LDHAL6A: variants seen among roughly 807,000 people sequenced by gnomAD.
LDHAL6A encodes the protein L-lactate dehydrogenase A-like 6A.
A neutral mutation model predicts 28.2 loss-of-function variants in LDHAL6A; 19 were observed. That is an observed-to-expected ratio of 0.67 (90% CI 0.47 to 0.99). The LOEUF (loss-of-function observed/expected upper bound fraction) is 0.99. Ranked by LOEUF, LDHAL6A falls within the 50% of genes least tolerant of loss-of-function variation. LDHAL6A has a pLI of 0.00. For missense variants in LDHAL6A, 372 were observed against 398.6 expected (o/e 0.93, Z 0.57); for synonymous variants, 144 against 134.4 (o/e 1.07, Z -0.49).
chr11:18,473,267 T>C (rs1422525497), intron 3 of LDHAL6A, among the ~76,000 whole-genome samples: 1 of 152,212 alleles, frequency 6.6e-6, no homozygotes, highest in Non-Finnish European at 1.5e-5. Flanking sequence ...ATTGCTCCTA[T>C]AGTAGCTCCT....
At position 18,475,613 on chromosome 11, in the gene LDHAL6A, TC is replaced by T. The variant is rs1244410019; in HGVS notation, c.568del (p.Gly191GlufsTer14). 6.2e-7 allele frequency: 1 copy of T among 1,613,716 alleles called. No homozygotes were observed. Among genetic ancestry groups the T allele is most frequent in the African/African-American group, 1.3e-5 (1 of 74,926 alleles). ...CACTCTGAAAGCTGTCATGGGCTGA[TC>T]CTTGGAGAGCATGGCGACTCAAGTG... is the stretch of plus-strand genomic sequence containing the variant. The part of the protein sequence containing the change: ...GIHSESCHGL[I>X]LGEHGDSSVP... On this transcript the variant is annotated frameshift_variant, in exon 4 of 7. Coordinates refer to ENST00000280706, the MANE Select transcript of LDHAL6A (RefSeq NM_144972.5). LOFTEE classifies it high-confidence loss of function.
intron 4 of LDHAL6A, 137 bp downstream of exon 4, chr11:18,475,776 A>G (rs11024670): frequency 0.19 from 112,351 of 576,198 alleles, 13,384 homozygotes; most frequent in East Asian, 0.47. Flanking sequence ...TTTAATTTTT[A>G]CCACACTTAT....
At chr11:18,461,860 GA>G (rs34785727) in intron 1 of LDHAL6A, among the ~76,000 whole-genome samples, 7,614 of 131,260 alleles carry the variant, frequency 0.058, 350 homozygotes, top group East Asian at 0.31. Flanking sequence ...TCAAAAAAAA[GA>G]AAAAAAAAAA....
At chr11:18,469,155 G>C in intron 3 of LDHAL6A, 1 of 608,702 alleles carries the variant, frequency 1.6e-6, no homozygotes, top group Non-Finnish European at 2.9e-6. Flanking sequence ...ATATGACTCA[G>C]AGTTGTGAAG....
chr11:18,466,527 TC>T (rs1849078407), intron 3 of LDHAL6A, among the ~76,000 whole-genome samples: 1 of 151,660 alleles, frequency 6.6e-6, no homozygotes, highest in Non-Finnish European at 1.5e-5. Flanking sequence ...GGTGGAGCAT[TC>T]CTGTAGTCCC....
At chr11:18,467,238 A>C (rs1161157357) in intron 3 of LDHAL6A, among the ~76,000 whole-genome samples, 1 of 152,206 alleles carries the variant, frequency 6.6e-6, no homozygotes, top group African/African-American at 2.4e-5. Context: ...TCGATGCTGA[A>C]GAACTATTTA....
At chr11:18,461,980 A>G (rs559904663) in intron 1 of LDHAL6A, among the ~76,000 whole-genome samples, 33 of 148,680 alleles carry the variant, frequency 2.2e-4, no homozygotes, top group African/African-American at 6.9e-4. Flanking sequence ...GTGAAACCCC[A>G]TGTCTACAAA....
chr11:18,476,320 G>A (rs1474782865), intron 4 of LDHAL6A, 64 bp from the exon 5 acceptor site: 2 of 1,549,462 alleles, frequency 1.3e-6, no homozygotes, highest in Non-Finnish European at 1.7e-6. Context: ...GTTTTGCTGA[G>A]GTCAAAAACC....
intron 5 of LDHAL6A, chr11:18,476,721 A>AC: frequency 7.6e-6 from 4 of 524,566 alleles, no homozygotes; most frequent in Non-Finnish European, 9.8e-6. Flanking sequence ...AGTATTGAGC[A>AC]CATGGTAGGG....
intron 1 of LDHAL6A, among the ~76,000 whole-genome samples, chr11:18,462,001 A>C (rs1407316067): frequency 6.6e-6 from 1 of 151,612 alleles, no homozygotes; most frequent in Non-Finnish European, 1.5e-5. Flanking sequence ...AAATACAAAA[A>C]TTAGCCAGAT....
chr11:18,476,430 T>A lies in LDHAL6A; in HGVS notation c.639T>A (p.Asp213Glu), dbSNP rs200442279. 11 of 1,613,996 alleles carry A rather than the reference T, an allele frequency of 6.8e-6. No homozygotes were observed. Among genetic ancestry groups the A allele is most frequent in the African/African-American group, 1.3e-5 (1 of 74,898 alleles). ...GVNIAGVPLK[D>E]LNPDIGTDKD... is the part of the protein sequence containing the mutation. Reference sequence around the variant, plus strand: ...ACATTGCTGGCGTCCCTCTGAAGGATCTGAACCCAGATATAGGAACTGATA... The same window carrying A: ...ACATTGCTGGCGTCCCTCTGAAGGAACTGAACCCAGATATAGGAACTGATA... The change falls in exon 5 of 7, where the codon GAT becomes GAA. Residue 213 changes from aspartate (D) to glutamate (E), a missense_variant. By Grantham distance (45) the Asp-to-Glu change is conservative (BLOSUM62 2). Coordinates refer to ENST00000280706, the MANE Select transcript of LDHAL6A (RefSeq NM_144972.5).
intron 2 of LDHAL6A, among the ~76,000 whole-genome samples, chr11:18,464,977 G>GTTTGTTTTTTTTTTTTT (rs1849013732): frequency 1.6e-5 from 2 of 125,482 alleles, no homozygotes; most frequent in African/African-American, 6.7e-5. Context: ...TGTTTTTTTT[G>GTTTGTTTTTTTTTTTTT]TTTTTTTTTG....
At chr11:18,474,472 C>T (rs929275664) in intron 3 of LDHAL6A, among the ~76,000 whole-genome samples, 1 of 151,900 alleles carries the variant, frequency 6.6e-6, no homozygotes, top group African/African-American at 2.4e-5. Flanking sequence ...CTGCAACCTC[C>T]ACCTCCCGGG....
chr11:18,468,970 T>G (rs1012217510), intron 3 of LDHAL6A: 1 of 384,650 alleles, frequency 2.6e-6, no homozygotes, highest in African/African-American at 2.1e-5. Context: ...AAATCCAAAA[T>G]TCAGAAATGG....
chr11:18,464,977 G>GTTTTTTTTGTTTTTTTTT (rs1849016188), intron 2 of LDHAL6A, among the ~76,000 whole-genome samples: 14 of 125,478 alleles, frequency 1.1e-4, no homozygotes, highest in African/African-American at 1.7e-4. Context: ...TGTTTTTTTT[G>GTTTTTTTTGTTTTTTTTT]TTTTTTTTTG....
chr11:18,469,075 C>G (rs898198187), intron 3 of LDHAL6A: 2 of 445,392 alleles, frequency 4.5e-6, no homozygotes, highest in Non-Finnish European at 8.0e-6. Flanking sequence ...TACACACTTT[C>G]CAGTAAGTTT....
At chr11:18,458,198 C>T (rs1330074488) in intron 1 of LDHAL6A, among the ~76,000 whole-genome samples, 2 of 152,100 alleles carry the variant, frequency 1.3e-5, no homozygotes, top group Admixed American at 1.3e-4. Flanking sequence ...GCACTTGTTT[C>T]ATGGCCCTAT....
chr11:18,465,378 C>G (rs182696056), intron 2 of LDHAL6A, among the ~76,000 whole-genome samples: 8 of 151,482 alleles, frequency 5.3e-5, no homozygotes, highest in African/African-American at 1.7e-4. Context: ...CCACCTCGAC[C>G]TCCCAAAGTG....
intron 3 of LDHAL6A, among the ~76,000 whole-genome samples, chr11:18,473,942 G>A (rs1266580043): frequency 6.6e-6 from 1 of 152,116 alleles, no homozygotes; most frequent in Non-Finnish European, 1.5e-5. Context: ...ATCCCTGAAT[G>A]AGTTTTCCTA....
Sources: gnomAD v4.1 joint callset for allele counts (sites outside exome capture counted in the v4.1 genomes callset) on GRCh38, gnomAD v4.1.1 for gene constraint, MANE v1.5 for transcripts, NCBI Gene and HGNC (gene_info 2026-07-23, HGNC 2026-07-21) for gene names.